TMEM117: variants seen among roughly 807,000 people sequenced by gnomAD.
TMEM117 encodes transmembrane protein 117.
In TMEM117, 27 loss-of-function variants were observed where a neutral mutation model predicts 52.4. The ratio of observed to expected loss-of-function variants is 0.51; its 90% CI spans 0.38 to 0.71. TMEM117 has a LOEUF of 0.71. Ranked by LOEUF, TMEM117 falls within the 30% of genes least tolerant of loss-of-function variation. The pLI is 0.00. For missense variants in TMEM117, 556 were observed against 630.5 expected (o/e 0.88, Z 1.26); for synonymous variants, 215 against 206.3 (o/e 1.04, Z -0.36).
intron 4 of TMEM117, among the ~76,000 whole-genome samples, chr12:44,192,251 C>T (rs1304355664): frequency 5.3e-5 from 8 of 152,140 alleles, no homozygotes; most frequent in South Asian, 2.1e-4. Context: ...TCCCAGAACC[C>T]GAGGTCCTCT....
intron 5 of TMEM117, among the ~76,000 whole-genome samples, 168 bp from the exon 6 acceptor site, chr12:44,299,412 C>A (rs1950810198): frequency 1.3e-5 from 2 of 152,200 alleles, no homozygotes; most frequent in Non-Finnish European, 2.9e-5. Flanking sequence ...GGACTACAGG[C>A]ATGAGCCACC....
chr12:44,217,948 G>A (rs1394671200), intron 5 of TMEM117, among the ~76,000 whole-genome samples: 6 of 152,194 alleles, frequency 3.9e-5, no homozygotes, highest in Non-Finnish European at 1.5e-5. Flanking sequence ...CCAGGCTGGG[G>A]TGCGGTGGCT....
intron 3 of TMEM117, among the ~76,000 whole-genome samples, chr12:43,962,107 A>T (rs1945413329): frequency 6.6e-6 from 1 of 152,222 alleles, no homozygotes; most frequent in Non-Finnish European, 1.5e-5. Flanking sequence ...ACTGTTATAC[A>T]TTATCCTTGC....
chr12:43,993,771 T>C (rs1945983343), intron 3 of TMEM117, among the ~76,000 whole-genome samples: 1 of 152,206 alleles, frequency 6.6e-6, no homozygotes, highest in Non-Finnish European at 1.5e-5. Context: ...CTTGGCTCAC[T>C]GCAGCTTCAA....
In TMEM117 at chr12:43,943,357, T is replaced by G. The variant is rs184492727; in HGVS notation, c.278-853T>G. Reference sequence around the variant, plus strand: ...TGACCTATGCTCACTTCTTTCTTACTCCCAAGGTTTTTTACCTTCCTCATC... The same window carrying G: ...TGACCTATGCTCACTTCTTTCTTACGCCCAAGGTTTTTTACCTTCCTCATC... On this transcript the variant is annotated intron_variant, in intron 2 of 7. Coordinates refer to ENST00000266534, the MANE Select transcript of TMEM117 (RefSeq NM_032256.3). Among the ~76,000 whole-genome samples the G allele has an allele frequency of 1.4e-3, 218 of 152,200 alleles. 1 individual carries two copies. Among genetic ancestry groups the G allele is most frequent in the Non-Finnish European group, 1.9e-3 (128 of 68,002 alleles).
intron 2 of TMEM117, among the ~76,000 whole-genome samples, chr12:43,884,558 A>G (rs1019018460): frequency 2.6e-5 from 4 of 152,182 alleles, no homozygotes; most frequent in East Asian, 3.9e-4. Flanking sequence ...AAAAAAGACA[A>G]TTGGCTTTTC....
At chr12:44,185,886 A>G (rs981953752) in intron 4 of TMEM117, among the ~76,000 whole-genome samples, 3 of 149,030 alleles carry the variant, frequency 2.0e-5, no homozygotes, top group African/African-American at 7.7e-5. Flanking sequence ...ACACACACAC[A>G]CACACACACA....
chr12:43,912,841 A>G (rs1324439553), intron 2 of TMEM117, among the ~76,000 whole-genome samples: 1 of 152,132 alleles, frequency 6.6e-6, no homozygotes, highest in African/African-American at 2.4e-5. Context: ...TAAACTACAC[A>G]GTTTAGGCAT....
chr12:44,076,652 G>A (rs1947387300), intron 3 of TMEM117, among the ~76,000 whole-genome samples: 1 of 152,150 alleles, frequency 6.6e-6, no homozygotes, highest in South Asian at 2.1e-4. Flanking sequence ...ATTAACCAGT[G>A]CTGATATATA....
intron 4 of TMEM117, among the ~76,000 whole-genome samples, chr12:44,173,150 A>C (rs555851497): frequency 5.9e-5 from 9 of 152,290 alleles, no homozygotes; most frequent in African/African-American, 1.9e-4. Flanking sequence ...ATCTTGATTC[A>C]CTGCAACCTC....
chr12:43,880,266 T>G (rs764559974), intron 2 of TMEM117, among the ~76,000 whole-genome samples: 14 of 152,232 alleles, frequency 9.2e-5, no homozygotes, highest in Non-Finnish European at 2.1e-4. Flanking sequence ...TGGCTTTTGC[T>G]TTTTTATTAC....
intron 5 of TMEM117, among the ~76,000 whole-genome samples, chr12:44,265,612 G>T (rs1241908038): frequency 1.3e-5 from 2 of 152,088 alleles, no homozygotes; most frequent in African/African-American, 2.4e-5. Context: ...AGGTGAAATT[G>T]ACATAACATA....
intron 4 of TMEM117, among the ~76,000 whole-genome samples, chr12:44,171,251 G>A (rs1472022699): frequency 2.6e-5 from 4 of 152,160 alleles, no homozygotes; most frequent in African/African-American, 2.4e-5. Flanking sequence ...TCCTGACCTC[G>A]TGATCCGCCC....
intron 6 of TMEM117, among the ~76,000 whole-genome samples, chr12:44,356,917 A>G (rs1480404288): frequency 1.3e-5 from 2 of 152,146 alleles, no homozygotes; most frequent in East Asian, 3.9e-4. Context: ...CTGATCATTT[A>G]ATTTGCTCTT....
intron 2 of TMEM117, among the ~76,000 whole-genome samples, chr12:43,867,026 G>GT (rs749370684): frequency 1.3e-4 from 20 of 151,886 alleles, no homozygotes; most frequent in Non-Finnish European, 2.9e-4. Context: ...GGAGGCAGAG[G>GT]TTGTGGTGAG....
chr12:44,216,005 C>CTTTCTTT (rs1555136266), intron 5 of TMEM117, among the ~76,000 whole-genome samples: 15 of 110,818 alleles, frequency 1.4e-4, no homozygotes, highest in African/African-American at 5.8e-4. Flanking sequence ...TTCTTTCTTT[C>CTTTCTTT]TTTTTTTTTT....
At chr12:44,336,344 A>G (rs1951340396) in intron 6 of TMEM117, among the ~76,000 whole-genome samples, 1 of 152,074 alleles carries the variant, frequency 6.6e-6, no homozygotes, top group African/African-American at 2.4e-5. Context: ...ATTGATGGTA[A>G]TGAGTAAAAA....
In TMEM117 at chr12:44,356,331, A is replaced by T. The variant is rs369847463; in HGVS notation, c.769-20264A>T. 2.1e-4 allele frequency among the ~76,000 whole-genome samples: 32 copies of T among 152,264 alleles called. No individual in the cohort carries two copies. In the South Asian group the frequency reaches 6.2e-3, roughly 30 times the overall value. Reference sequence around the variant, plus strand: ...AGGAGCAAACCGTTAAGCTCTTTTCATCCATTTTGTTTATATTGCTGTCTT... The same window carrying T: ...AGGAGCAAACCGTTAAGCTCTTTTCTTCCATTTTGTTTATATTGCTGTCTT... On this transcript the variant is annotated intron_variant, in intron 6 of 7. Transcript: ENST00000266534.
chr12:44,211,179 G>T (rs1949640774), intron 4 of TMEM117, 111 bp from the exon 5 acceptor site: 1 of 754,624 alleles, frequency 1.3e-6, no homozygotes, highest in African/African-American at 1.8e-5. Flanking sequence ...ATGTTATAAT[G>T]TTAAAACGTA....
Sources: allele counts gnomAD v4.1 joint callset (sites outside exome capture counted in the v4.1 genomes callset), GRCh38; gene constraint gnomAD v4.1.1; transcripts MANE v1.5; gene names NCBI Gene and HGNC (gene_info 2026-07-23, HGNC 2026-07-21).